CABIN1: variants seen among roughly 807,000 people sequenced by gnomAD.
The protein encoded by CABIN1 is calcineurin-binding protein cabin-1.
A neutral mutation model predicts 227.7 loss-of-function variants in CABIN1; 133 were observed. That is an observed-to-expected ratio of 0.58 (90% CI 0.51 to 0.67). CABIN1 has a LOEUF of 0.67. Ranked by LOEUF, CABIN1 falls within the 30% of genes least tolerant of loss-of-function variation. The probability of loss-of-function intolerance (pLI) is 0.00; values close to 1 mark genes in which losing one functional copy is unlikely to be tolerated. For missense variants in CABIN1, 2,408 were observed against 2,852.5 expected (o/e 0.84, Z 3.55); for synonymous variants, 1,086 against 1,155.1 (o/e 0.94, Z 1.21).
At chr22:24,123,276 C>G (rs2043529261) in intron 28 of CABIN1, among the ~76,000 whole-genome samples, 1 of 152,186 alleles carries the variant, frequency 6.6e-6, no homozygotes. Context: ...AGGCTGAGTT[C>G]CTTGGTTCTC....
At chr22:24,115,853 A>C (rs142627266) in intron 27 of CABIN1, among the ~76,000 whole-genome samples, 1 of 152,114 alleles carries the variant, frequency 6.6e-6, no homozygotes, top group Non-Finnish European at 1.5e-5. Flanking sequence ...TGCTTCCTCC[A>C]TCATTAATGT....
At chr22:24,055,825 C>T (rs1047345069) in intron 9 of CABIN1, among the ~76,000 whole-genome samples, 1 of 152,122 alleles carries the variant, frequency 6.6e-6, no homozygotes, top group African/African-American at 2.4e-5. Context: ...GCTGAGTGCT[C>T]AGAGGGTACT....
chr22:24,154,845 G>A (rs1369376891), intron 29 of CABIN1, among the ~76,000 whole-genome samples: 1 of 152,200 alleles, frequency 6.6e-6, no homozygotes, highest in Non-Finnish European at 1.5e-5. Flanking sequence ...CCAGGAACCA[G>A]CCCAGGGGTA....
intron 27 of CABIN1, among the ~76,000 whole-genome samples, chr22:24,114,395 A>G (rs567391642): frequency 6.6e-6 from 1 of 152,192 alleles, no homozygotes; most frequent in East Asian, 1.9e-4. Flanking sequence ...CACTCTGGCC[A>G]GGGCCAGGGC....
intron 9 of CABIN1, among the ~76,000 whole-genome samples, chr22:24,055,771 T>C (rs1386718169): frequency 1.3e-5 from 2 of 152,250 alleles, no homozygotes; most frequent in African/African-American, 4.8e-5. Context: ...GACATTCTTC[T>C]ATTGTCCATA....
At chr22:24,149,235 G>C (rs2045340898) in intron 29 of CABIN1, among the ~76,000 whole-genome samples, 1 of 152,200 alleles carries the variant, frequency 6.6e-6, no homozygotes, top group African/African-American at 2.4e-5. Context: ...CCAGCCTCAG[G>C]CTCCAATCCT....
Position 24,034,084 on chromosome 22 carries a change from G to A in CABIN1, c.-74-1360G>A, listed in dbSNP as rs192671744. On this transcript the variant is annotated intron_variant, in intron 1 of 36. Coordinates refer to ENST00000263119, the MANE Select transcript of CABIN1 (RefSeq NM_012295.4). ...CATTAGTTAGATTCTCATAAGGAATGCACAACCGAGATCCCTCGCATGCAC... is the reference window on the plus strand; with the variant it reads ...CATTAGTTAGATTCTCATAAGGAATACACAACCGAGATCCCTCGCATGCAC... Among the ~76,000 whole-genome samples, 271 of 152,284 alleles carry A rather than the reference G, an allele frequency of 1.8e-3. 1 individual carries two copies. Among genetic ancestry groups the A allele is most frequent in the Non-Finnish European group, 2.4e-3 (163 of 68,024 alleles).
rs1555950633 is a variant in CABIN1 at position 24,094,842 on chromosome 22, A to AG, written c.3787-1089_3787-1088insG. On this transcript the variant is annotated intron_variant, in intron 24 of 36. Coordinates refer to ENST00000263119, the MANE Select transcript of CABIN1 (RefSeq NM_012295.4). ...CCGTCTCAAAAAAAAAAAAAAAAAA[A>AG]AAAGAAACAAAAATGACATTTCTCT... Among the ~76,000 whole-genome samples the AG allele has an allele frequency of 4.7e-5, 7 of 148,674 alleles. No homozygotes were observed. The East Asian group carries it at 6.0e-4, about 13-fold the overall frequency.
chr22:24,170,949 C>T (rs1178154252), intron 33 of CABIN1, among the ~76,000 whole-genome samples: 1 of 152,144 alleles, frequency 6.6e-6, no homozygotes, highest in Non-Finnish European at 1.5e-5. Context: ...AGGGCTGCCT[C>T]ACATCACCTC....
At chr22:24,112,876 G>C (rs2147782733) in intron 26 of CABIN1, among the ~76,000 whole-genome samples, 1 of 152,236 alleles carries the variant, frequency 6.6e-6, no homozygotes, top group East Asian at 1.9e-4. Flanking sequence ...GGTAGGCTTT[G>C]TACCTTTTCC....
rs1453115232 is a variant in CABIN1 at position 24,134,376 on chromosome 22, G to A, written c.4707G>A (p.Gln1569=). The A allele has an allele frequency of 6.2e-7, 1 of 1,613,800 alleles. No homozygotes were observed. Among genetic ancestry groups the A allele is most frequent in the Non-Finnish European group, 8.5e-7 (1 of 1,179,658 alleles). ...AACAACTGCAGCACATGCCGGCACA[G>A]GGGCTCTTCTGCGAGAGGAACAAGA... ...PWQQLQHMPA[Q]GLFCERNKTN... is the part of the protein sequence containing the mutation. Residue 1569 remains glutamine (Q), a synonymous_variant, in exon 29 of 37, where the codon CAG becomes CAA. Coordinates refer to ENST00000263119, the MANE Select transcript of CABIN1 (RefSeq NM_012295.4).
At chr22:24,135,506 G>A (rs191499612) in intron 29 of CABIN1, among the ~76,000 whole-genome samples, 1 of 152,260 alleles carries the variant, frequency 6.6e-6, no homozygotes, top group East Asian at 1.9e-4. Context: ...AGGCCTGCCT[G>A]CCTCTCATCC....
At chr22:24,055,279 CAAGTG>C (rs2038698988) in intron 9 of CABIN1, 120 bp downstream of exon 9, 1 of 1,198,814 alleles carries the variant, frequency 8.3e-7, no homozygotes, top group Non-Finnish European at 1.2e-6. Context: ...GCTCATGACT[CAAGTG>C]GAAGTGGGAG....
At chr22:24,036,239 T>G (rs1324860752) in intron 3 of CABIN1, 58 bp downstream of exon 3, 3 of 1,205,862 alleles carry the variant, frequency 2.5e-6, no homozygotes, top group Non-Finnish European at 3.7e-6. Flanking sequence ...AGAGGGAACC[T>G]CATTTTAAAT....
chr22:24,165,560 C>G lies in CABIN1; in HGVS notation c.4941C>G (p.Val1647=). 2 of 1,613,176 alleles carry G rather than the reference C, an allele frequency of 1.2e-6. No individual in the cohort carries two copies. ...KKYLRDADRQ[V]LAQRAFILTV... ...ATCTGCGAGATGCTGACCGCCAGGT[C>G]CTGGCGCAGCGGGCCTTCATCCTCA... Residue 1647 remains valine (V), a synonymous_variant, in exon 31 of 37, where the codon GTC becomes GTG. Transcript: ENST00000263119.
chr22:24,029,120 G>A (rs1458464494), intron 1 of CABIN1, among the ~76,000 whole-genome samples: 6 of 152,162 alleles, frequency 3.9e-5, no homozygotes, highest in African/African-American at 9.7e-5. Flanking sequence ...TTGGGAGGCC[G>A]AGACAGGTGG....
rs1427971523 is a variant in CABIN1 at position 24,167,073 on chromosome 22, C to A, written c.5442C>A (p.Thr1814=). 1 of 1,545,196 alleles carries A rather than the reference C, an allele frequency of 6.5e-7. No individual in the cohort carries two copies. Among genetic ancestry groups the A allele is most frequent in the Non-Finnish European group, 8.7e-7 (1 of 1,145,202 alleles). ...CCCGGCAGCAGCCCACCCCGCTCAC[C>A]CCAGCCCAGCCAGCCCCCGCCCCCG... The part of the protein sequence containing the change: ...ISARQQPTPL[T]PAQPAPAPAP... Residue 1814 remains threonine, a synonymous_variant, in exon 32 of 37, where the codon ACC becomes ACA. Coordinates refer to ENST00000263119, the MANE Select transcript of CABIN1 (RefSeq NM_012295.4).
intron 14 of CABIN1, among the ~76,000 whole-genome samples, chr22:24,063,802 A>G (rs1306072518): frequency 3.3e-5 from 5 of 152,198 alleles, no homozygotes; most frequent in Admixed American, 1.3e-4. Flanking sequence ...CATCTGCAAC[A>G]TGGGGTTTAT....
At chr22:24,162,539 G>A (rs748632304) in intron 29 of CABIN1, among the ~76,000 whole-genome samples, 41 of 152,228 alleles carry the variant, frequency 2.7e-4, no homozygotes, top group Non-Finnish European at 5.3e-4. Flanking sequence ...GACCCTGCCC[G>A]GGAAACGTGC....
Sources: allele counts gnomAD v4.1 joint callset (sites outside exome capture counted in the v4.1 genomes callset), GRCh38; gene constraint gnomAD v4.1.1; transcripts MANE v1.5; gene names NCBI Gene and HGNC (gene_info 2026-07-23, HGNC 2026-07-21).